The following JAKMIP3 variants were observed in gnomAD, a reference collection of about 807,000 sequenced individuals.
JAKMIP3 encodes janus kinase and microtubule-interacting protein 3.
Under a neutral mutation model 118.5 loss-of-function variants are expected in JAKMIP3, and 58 were observed. That is an observed-to-expected ratio of 0.49 (90% CI 0.40 to 0.61). The LOEUF is 0.61. Among genes scored for constraint, JAKMIP3 ranks in the 20% least tolerant of loss-of-function variants. JAKMIP3 has a pLI of 0.00. For missense variants in JAKMIP3, 950 were observed against 1,109.0 expected, an observed-to-expected ratio of 0.86 and a Z score of 2.04; for synonymous variants, 486 against 451.2, an observed-to-expected ratio of 1.08 and a Z score of -0.98.
At chr10:132,043,215 A>AT (rs1296105898) in intron 1 of JAKMIP3, among the ~76,000 whole-genome samples, 1 of 151,706 alleles carries the variant, frequency 6.6e-6, no homozygotes, top group Non-Finnish European at 1.5e-5. Flanking sequence ...TTACTTTTTA[A>AT]TTTTTTTCTT....
chr10:132,124,163 G>C (rs1481114107), intron 3 of JAKMIP3, among the ~76,000 whole-genome samples: 1 of 152,186 alleles, frequency 6.6e-6, no homozygotes, highest in Non-Finnish European at 1.5e-5. Flanking sequence ...CCCAGCACTG[G>C]GGTGGGGGCC....
intron 1 of JAKMIP3, among the ~76,000 whole-genome samples, chr10:132,048,124 G>A (rs564550206): frequency 2.4e-4 from 36 of 152,372 alleles, no homozygotes; most frequent in African/African-American, 7.7e-4. Flanking sequence ...TCCTCCGCGT[G>A]GAGCAGAGCA....
At chr10:132,050,641 G>GT (rs1252250991) in intron 1 of JAKMIP3, among the ~76,000 whole-genome samples, 1 of 152,012 alleles carries the variant, frequency 6.6e-6, no homozygotes, top group Non-Finnish European at 1.5e-5. Context: ...GATTTGGGGG[G>GT]GGTTGATTAT....
At chr10:132,158,973 G>GA (rs2057426182) in intron 19 of JAKMIP3, among the ~76,000 whole-genome samples, 2 of 100,398 alleles carry the variant, frequency 2.0e-5, no homozygotes, top group Admixed American at 9.3e-5. Flanking sequence ...TGATGCTGGG[G>GA]GGGATCTCTC....
At chr10:132,040,194 T>C (rs1198050579) in intron 1 of JAKMIP3, among the ~76,000 whole-genome samples, 9 of 152,142 alleles carry the variant, frequency 5.9e-5, no homozygotes, top group Admixed American at 5.9e-4. Flanking sequence ...TGGGTGCCCT[T>C]ACAAGAAGGG....
intron 1 of JAKMIP3, among the ~76,000 whole-genome samples, chr10:132,074,869 G>A (rs1361230734): frequency 6.6e-6 from 1 of 152,116 alleles, no homozygotes. Context: ...TGAGAGGTAT[G>A]GGTCCAGTTT....
intron 1 of JAKMIP3, among the ~76,000 whole-genome samples, chr10:132,094,842 G>C (rs1325289712): frequency 6.6e-6 from 1 of 152,122 alleles, no homozygotes; most frequent in Non-Finnish European, 1.5e-5. Flanking sequence ...GGATGGGGAA[G>C]GACCATCAGG....
intron 3 of JAKMIP3, among the ~76,000 whole-genome samples, chr10:132,130,396 C>G (rs182893249): frequency 5.3e-5 from 8 of 152,376 alleles, no homozygotes; most frequent in African/African-American, 1.2e-4. Context: ...CTGGGAGCAG[C>G]AGCCTTTTCT....
At chr10:132,055,261 C>T (rs2038207965) in intron 1 of JAKMIP3, among the ~76,000 whole-genome samples, 1 of 152,126 alleles carries the variant, frequency 6.6e-6, no homozygotes, top group Admixed American at 6.5e-5. Flanking sequence ...AAGACCTTTA[C>T]AAATAAACCC....
chr10:132,133,127 G>T (rs2050958267), intron 3 of JAKMIP3, among the ~76,000 whole-genome samples, 185 bp from the exon 4 acceptor site: 1 of 152,200 alleles, frequency 6.6e-6, no homozygotes. Flanking sequence ...GGCTGAGCCA[G>T]GGCCTGCTGG....
At chr10:132,108,504 G>A (rs1010626151) in intron 2 of JAKMIP3, among the ~76,000 whole-genome samples, 6 of 152,106 alleles carry the variant, frequency 3.9e-5, no homozygotes, top group Admixed American at 2.0e-4. Context: ...GTGGGACACA[G>A]GTGGAGCCTC....
chr10:132,168,034 A>G lies in JAKMIP3; in HGVS notation c.*104A>G, dbSNP rs551903550. The G allele has an allele frequency of 1.0e-4, 135 of 1,289,540 alleles. No individual in the cohort carries two copies. The African/African-American group carries it at 1.5e-3, about 14-fold the overall frequency. 79.9% of individuals were successfully genotyped at this position (1,289,540 alleles called of 1,614,324 possible). A position where few individuals can be genotyped will look rare whatever the true frequency, so the allele number is the denominator to read the frequency against. On this transcript the variant is annotated 3_prime_UTR_variant, in exon 23 of 24. Coordinates refer to ENST00000684848, the MANE Select transcript of JAKMIP3 (RefSeq NM_001323087.2). ...GGGACGTCGCGTCTCCATCCTGAAG[A>G]CCCAGGGAGATTTGGTCTCTGCACG...
At chr10:132,036,709 G>C (rs1470292861) in exon 1 of JAKMIP3, among the ~76,000 whole-genome samples, 3 of 150,756 alleles carry the variant, frequency 2.0e-5, no homozygotes, top group Non-Finnish European at 4.4e-5. Flanking sequence ...TCCGTCGGAC[G>C]CCGCCCAGAG....
chr10:132,069,120 C>T (rs1438256436), intron 1 of JAKMIP3, among the ~76,000 whole-genome samples: 6 of 152,112 alleles, frequency 3.9e-5, no homozygotes, highest in African/African-American at 1.2e-4. Context: ...GGGCACGGAG[C>T]TTATTAAAAC....
chr10:132,152,167 T>G (rs2056336287), intron 16 of JAKMIP3, among the ~76,000 whole-genome samples: 1 of 152,156 alleles, frequency 6.6e-6, no homozygotes, highest in Non-Finnish European at 1.5e-5. Context: ...GCCCCCACCA[T>G]GGACTACAGA....
At chr10:132,180,700 T>TGTGCGC (rs1554963259) in intron 23 of JAKMIP3, among the ~76,000 whole-genome samples, 386 of 18,272 alleles carry the variant, frequency 0.021, 56 homozygotes, top group Admixed American at 0.032. Context: ...TGCGTGCGTG[T>TGTGCGC]GTGTGTGCGC....
chr10:132,100,554 G>A (rs985687613), intron 1 of JAKMIP3, among the ~76,000 whole-genome samples: 2 of 152,136 alleles, frequency 1.3e-5, no homozygotes, highest in Non-Finnish European at 2.9e-5. Flanking sequence ...GTTGGGGGGT[G>A]AGCAGAAAAG....
At chr10:132,084,478 A>G (rs1218161421) in intron 1 of JAKMIP3, among the ~76,000 whole-genome samples, 3 of 152,200 alleles carry the variant, frequency 2.0e-5, no homozygotes, top group Non-Finnish European at 4.4e-5. Flanking sequence ...TCATATCATC[A>G]GCAAACAGTG....
At chr10:132,076,494 C>G (rs1384693786) in intron 1 of JAKMIP3, among the ~76,000 whole-genome samples, 1 of 152,270 alleles carries the variant, frequency 6.6e-6, no homozygotes, top group Non-Finnish European at 1.5e-5. Context: ...TTTGTGTGGA[C>G]TTGTGTTTCC....
Sources: gnomAD v4.1 joint callset for allele counts (sites outside exome capture counted in the v4.1 genomes callset) on GRCh38, gnomAD v4.1.1 for gene constraint, MANE v1.5 for transcripts, NCBI Gene and HGNC (gene_info 2026-07-23, HGNC 2026-07-21) for gene names.